The following MED12L variants were observed in gnomAD, a reference collection of about 807,000 sequenced individuals.
MED12L encodes the protein mediator complex subunit 12L, also known as mediator of RNA polymerase II transcription subunit 12-like protein.
A neutral mutation model predicts 281.3 loss-of-function variants in MED12L; 60 were observed. The ratio of observed to expected loss-of-function variants is 0.21; its 90% CI spans 0.17 to 0.26. MED12L has a LOEUF of 0.26. Among genes scored for constraint, MED12L ranks in the 10% least tolerant of loss-of-function variants. MED12L has a pLI of 1.00. For missense variants in MED12L, 2,146 were observed against 2,680.9 expected (o/e 0.80, Z 4.41); for synonymous variants, 974 against 987.2 (o/e 0.99, Z 0.25).
At chr3:151,098,050 T>C (rs1720949590) in intron 2 of MED12L, among the ~76,000 whole-genome samples, 1 of 152,140 alleles carries the variant, frequency 6.6e-6, no homozygotes, top group African/African-American at 2.4e-5. Flanking sequence ...CAAAATGATA[T>C]GGGTGTGCCT....
chr3:151,198,389 A>G (rs1724993700), intron 16 of MED12L: 2 of 1,449,340 alleles, frequency 1.4e-6, no homozygotes, highest in Non-Finnish European at 1.9e-6. Flanking sequence ...TTTATGGTCC[A>G]GTAAGGCCAG....
At chr3:151,093,435 C>G (rs1376548310) in intron 2 of MED12L, among the ~76,000 whole-genome samples, 2 of 152,198 alleles carry the variant, frequency 1.3e-5, no homozygotes, top group Non-Finnish European at 2.9e-5. Flanking sequence ...GCTTGAAAAC[C>G]TTTGCTTTAG....
intron 16 of MED12L, chr3:151,338,430 A>G: frequency 6.2e-7 from 1 of 1,614,080 alleles, no homozygotes; most frequent in Admixed American, 1.7e-5. Context: ...CTTAGCCCCC[A>G]AGAGATTTTT....
chr3:151,418,847 TTTTTTAA>T (rs1374986318), intron 43 of MED12L, among the ~76,000 whole-genome samples: 2 of 152,258 alleles, frequency 1.3e-5, no homozygotes, highest in Non-Finnish European at 2.9e-5. Flanking sequence ...AAAATTATTT[TTTTTTAA>T]TTTTTAATTC....
chr3:151,338,038 A>G lies in MED12L; in HGVS notation c.2251-12021A>G, dbSNP rs758537011. The G allele has an allele frequency of 4.4e-5, 71 of 1,614,042 alleles. No homozygotes were observed. In the South Asian group the frequency reaches 7.0e-4, roughly 16 times the overall value. ...TAGAACAGAGTATTTTCAGCAGTGCAGTCAAAGACATCCCGGGTTTGGCTC... is the reference window on the plus strand; with the variant it reads ...TAGAACAGAGTATTTTCAGCAGTGCGGTCAAAGACATCCCGGGTTTGGCTC... On this transcript the variant is annotated intron_variant, in intron 16 of 44. Coordinates refer to ENST00000687756, the MANE Select transcript of MED12L (RefSeq NM_001393769.1).
At chr3:151,165,821 C>T in intron 10 of MED12L, 25 bp from the exon 11 acceptor site, 1 of 1,604,292 alleles carries the variant, frequency 6.2e-7, no homozygotes. Flanking sequence ...GCCTCATTAA[C>T]CACTTGTTTA....
intron 43 of MED12L, among the ~76,000 whole-genome samples, chr3:151,423,016 A>AATATATAT (rs56738899): frequency 1.4e-5 from 2 of 141,710 alleles, no homozygotes; most frequent in Non-Finnish European, 3.0e-5. Flanking sequence ...AGATCATAAA[A>AATATATAT]ATATATATAT....
At position 151,355,941 on chromosome 3, in the gene MED12L, A is replaced by T. The variant is rs1199397231; in HGVS notation, c.2563A>T (p.Thr855Ser). ...ACAAATCACAAGCTTTGCGTCAGGA[A>T]CATCCTATCATCTCCCTTTGGCTCA... ...LEQITSFASG[T>S]SYHLPLAHHI... Residue 855 changes from threonine to serine, a missense_variant, in exon 19 of 45, where the codon ACA becomes TCA. Transcript: ENST00000687756. 3 of 1,613,978 alleles carry T rather than the reference A, an allele frequency of 1.9e-6. No homozygotes were observed. Among genetic ancestry groups the T allele is most frequent in the Non-Finnish European group, 2.5e-6 (3 of 1,179,996 alleles).
chr3:151,146,490 A>G (rs1210268547), intron 5 of MED12L, among the ~76,000 whole-genome samples: 1 of 152,140 alleles, frequency 6.6e-6, no homozygotes, highest in African/African-American at 2.4e-5. Context: ...CTCATATCCC[A>G]GTAGAGGGTC....
At chr3:151,315,205 G>T (rs1318103440) in intron 16 of MED12L, among the ~76,000 whole-genome samples, 1 of 152,162 alleles carries the variant, frequency 6.6e-6, no homozygotes, top group African/African-American at 2.4e-5. Flanking sequence ...TATTTTCTCA[G>T]AGTAAAGAGC....
At chr3:151,376,950 G>C in intron 29 of MED12L, 41 bp from the exon 30 acceptor site, 3 of 1,610,108 alleles carry the variant, frequency 1.9e-6, no homozygotes, top group South Asian at 2.2e-5. Flanking sequence ...TGAGGATAAA[G>C]GAATACACAT....
At chr3:151,151,448 T>C (rs929638245) in intron 5 of MED12L, among the ~76,000 whole-genome samples, 24 of 152,168 alleles carry the variant, frequency 1.6e-4, no homozygotes, top group African/African-American at 5.3e-4. Flanking sequence ...CATGCCTTCC[T>C]CGCTGAGCTT....
In MED12L at chr3:151,279,996, A is replaced by G. The variant is rs538940631; in HGVS notation, c.2251-70063A>G. Among the ~76,000 whole-genome samples the G allele has an allele frequency of 2.0e-3, 304 of 152,030 alleles. 2 individuals are homozygous for G. Among genetic ancestry groups the G allele is most frequent in the African/African-American group, 7.1e-3 (294 of 41,448 alleles). On this transcript the variant is annotated intron_variant, in intron 16 of 44. Coordinates refer to ENST00000687756, the MANE Select transcript of MED12L (RefSeq NM_001393769.1). ...GAACATGATAATTTGTTGCTTCTTG[A>G]CTTCCCCGTGGGGTGTTTCACATAG...
Position 151,165,861 on chromosome 3 carries a change from G to T in MED12L, c.1373G>T (p.Arg458Leu). Reference protein sequence around the residue: ...QESTAGVTISRVLHTLEVLDR... With the variant: ...QESTAGVTISLVLHTLEVLDR... Reference sequence around the variant, plus strand: ...CTGCCTATAGGGGTGACTATTAGTCGGGTTTTGCACACGTTGGAAGTTTTG... The same window carrying T: ...CTGCCTATAGGGGTGACTATTAGTCTGGTTTTGCACACGTTGGAAGTTTTG... The change falls in exon 11 of 45, where the codon CGG (arginine) becomes CTG (leucine). Residue 458 changes from arginine (R) to leucine (L), a missense_variant. Arg to Leu is a moderately radical substitution (Grantham distance 102). This residue lies in a region of MED12L where 722 missense variants were observed against 861.2 expected (regional missense o/e 0.84). Coordinates refer to ENST00000687756, the MANE Select transcript of MED12L (RefSeq NM_001393769.1). 6 of 1,613,574 alleles carry T rather than the reference G, an allele frequency of 3.7e-6. No homozygotes were observed. The highest frequency in any genetic ancestry group is 3.4e-6 in the Non-Finnish European group (4 of 1,179,874).
chr3:151,225,485 C>A (rs1231225239), intron 16 of MED12L, among the ~76,000 whole-genome samples: 4 of 152,156 alleles, frequency 2.6e-5, no homozygotes, highest in African/African-American at 4.8e-5. Flanking sequence ...TGCAGTAATA[C>A]CATTAATTTG....
intron 16 of MED12L, among the ~76,000 whole-genome samples, chr3:151,341,011 T>G (rs1401457903): frequency 2.0e-5 from 3 of 152,176 alleles, no homozygotes; most frequent in South Asian, 2.1e-4. Context: ...ATGGTTATTT[T>G]CTATGCAAAT....
rs955085009 is a variant in MED12L at position 151,433,243 on chromosome 3, C to T, written c.*439C>T. On this transcript the variant is annotated 3_prime_UTR_variant, in exon 45 of 45. Coordinates refer to ENST00000687756, the MANE Select transcript of MED12L (RefSeq NM_001393769.1). ...CAAACTACTGATTTGAAAGGCATGTCAGATCTTGACAGAAACATGGCCTGT... is the reference window on the plus strand; with the variant it reads ...CAAACTACTGATTTGAAAGGCATGTTAGATCTTGACAGAAACATGGCCTGT... 2 of 154,004 alleles carry T rather than the reference C, an allele frequency of 1.3e-5. No homozygotes were observed. Among genetic ancestry groups the T allele is most frequent in the African/African-American group, 4.8e-5 (2 of 41,366 alleles). The allele number at this position is 154,004 out of a possible 1,614,324, so 9.5% of individuals were successfully genotyped here. A position where few individuals can be genotyped will look rare whatever the true frequency, so the allele number is the denominator to read the frequency against.
At chr3:151,306,371 C>G (rs1246305747) in intron 16 of MED12L, among the ~76,000 whole-genome samples, 1 of 152,122 alleles carries the variant, frequency 6.6e-6, no homozygotes, top group African/African-American at 2.4e-5. Flanking sequence ...CTGTGCCTGC[C>G]CCTCTACTGG....
At chr3:151,168,444 C>T (rs1390973421) in intron 11 of MED12L, among the ~76,000 whole-genome samples, 1 of 152,102 alleles carries the variant, frequency 6.6e-6, no homozygotes, top group East Asian at 1.9e-4. Flanking sequence ...GTGACTTCTC[C>T]AGGATTCAGA....
Sources: allele counts gnomAD v4.1 joint callset (sites outside exome capture counted in the v4.1 genomes callset), GRCh38; gene constraint gnomAD v4.1.1; regional missense constraint gnomAD v4.1.1; transcripts MANE v1.5; gene names NCBI Gene and HGNC (gene_info 2026-07-23, HGNC 2026-07-21).